RBFOX1: variants seen among roughly 807,000 people sequenced by gnomAD.
The protein encoded by RBFOX1 is RNA binding protein fox-1 homolog 1.
RBFOX1 carries 8 observed loss-of-function variants against 57.7 expected under a neutral mutation model. The observed-to-expected ratio is 0.14, with a 90% CI of 0.08 to 0.25. The LOEUF is 0.25. RBFOX1 is among the 10% of genes least tolerant of loss of function. The probability of loss-of-function intolerance (pLI) is 1.00; values close to 1 mark genes in which losing one functional copy is unlikely to be tolerated. For missense variants in RBFOX1, 611 were observed against 548.5 expected (o/e 1.11, Z -1.14); for synonymous variants, 326 against 222.4 (o/e 1.47, Z -4.15).
chr16:5,986,021 C>G (rs2152314938), intron 4 of RBFOX1, among the ~76,000 whole-genome samples: 1 of 151,728 alleles, frequency 6.6e-6, no homozygotes, highest in South Asian at 2.1e-4. Flanking sequence ...TTTGGGTACC[C>G]AAAATTCCTC....
At chr16:6,227,515 C>A (rs1048733395) in intron 1 of RBFOX1, among the ~76,000 whole-genome samples, 4 of 152,040 alleles carry the variant, frequency 2.6e-5, no homozygotes, top group African/African-American at 9.7e-5. Context: ...GCCAGTGATA[C>A]AGAAGTGGAA....
At chr16:5,978,907 G>A (rs1392133812) in intron 4 of RBFOX1, among the ~76,000 whole-genome samples, 2 of 152,106 alleles carry the variant, frequency 1.3e-5, no homozygotes, top group African/African-American at 2.4e-5. Context: ...GGGCTGAGGG[G>A]GTGGCTGCCA....
chr16:7,551,905 T>C (rs368463334), intron 5 of RBFOX1, among the ~76,000 whole-genome samples: 52 of 152,298 alleles, frequency 3.4e-4, no homozygotes, highest in African/African-American at 1.1e-3. Flanking sequence ...GACATTAGGA[T>C]AAAGAACAGC....
chr16:6,476,011 C>G (rs1409292780), intron 2 of RBFOX1, among the ~76,000 whole-genome samples: 3 of 152,154 alleles, frequency 2.0e-5, no homozygotes, highest in Admixed American at 1.3e-4. Flanking sequence ...TAAACCAAAC[C>G]TTGATGCTTT....
At chr16:7,228,025 C>A (rs1295248400) in intron 4 of RBFOX1, among the ~76,000 whole-genome samples, 1 of 152,146 alleles carries the variant, frequency 6.6e-6, no homozygotes, top group Non-Finnish European at 1.5e-5. Flanking sequence ...GTAGCACCCA[C>A]CCACCAGGTT....
At chr16:6,580,852 T>C (rs1191041841) in intron 2 of RBFOX1, among the ~76,000 whole-genome samples, 1 of 151,438 alleles carries the variant, frequency 6.6e-6, no homozygotes, top group East Asian at 1.9e-4. Flanking sequence ...TGTTAACCGA[T>C]GCCTAAATGG....
At chr16:7,686,812 T>G (rs528587505) in intron 14 of RBFOX1, among the ~76,000 whole-genome samples, 3 of 152,026 alleles carry the variant, frequency 2.0e-5, no homozygotes, top group Non-Finnish European at 4.4e-5. Context: ...AGACAAGAAG[T>G]GCAGTGGGAA....
intron 10 of RBFOX1, among the ~76,000 whole-genome samples, chr16:7,621,412 C>T (rs1330163423): frequency 2.0e-5 from 3 of 152,128 alleles, no homozygotes; most frequent in Middle Eastern, 3.4e-3. Context: ...AGGCATATGC[C>T]ACCACGCCTG....
chr16:6,957,739 A>T (rs975009965), intron 3 of RBFOX1, among the ~76,000 whole-genome samples: 1 of 152,108 alleles, frequency 6.6e-6, no homozygotes, highest in African/African-American at 2.4e-5. Context: ...CCCCTATTGA[A>T]GATGGAGTTG....
chr16:5,984,967 TATA>T (rs1567221663), intron 4 of RBFOX1, among the ~76,000 whole-genome samples: 53 of 55,374 alleles, frequency 9.6e-4, no homozygotes, highest in Non-Finnish European at 1.2e-3. Flanking sequence ...TATATATATA[TATA>T]TATATATTTT....
chr16:7,277,427 CTG>C (rs1280275733), intron 4 of RBFOX1, among the ~76,000 whole-genome samples: 7 of 152,178 alleles, frequency 4.6e-5, no homozygotes, highest in African/African-American at 1.7e-4. Context: ...TGTACATTCT[CTG>C]TGCCACCAGA....
chr16:7,505,285 A>G (rs2072897518), intron 4 of RBFOX1, among the ~76,000 whole-genome samples: 2 of 151,716 alleles, frequency 1.3e-5, no homozygotes, highest in South Asian at 2.1e-4. Flanking sequence ...TCCTATACTC[A>G]TAGAGTTCAC....
chr16:6,039,434 T>A lies in RBFOX1; in HGVS notation c.-127+19442T>A, dbSNP rs78999784. 4.9e-4 allele frequency among the ~76,000 whole-genome samples: 74 copies of A among 152,006 alleles called. No homozygotes were observed. The East Asian group carries it at 0.014, about 28-fold the overall frequency. On this transcript the variant is annotated intron_variant, in intron 1 of 15. Transcript: ENST00000550418. ...TGCTGATGAACAGGAAAGAACCATA[T>A]TTCCCTGCGTTAGCACCAGCTTGGA...
chr16:7,475,011 C>T (rs2062351699), intron 4 of RBFOX1, among the ~76,000 whole-genome samples: 2 of 152,126 alleles, frequency 1.3e-5, no homozygotes, highest in South Asian at 4.1e-4. Context: ...CTAGATGGTT[C>T]CACACAATCC....
chr16:5,500,714 C>T (rs537486537), intron 2 of RBFOX1, among the ~76,000 whole-genome samples: 1 of 152,320 alleles, frequency 6.6e-6, no homozygotes, highest in East Asian at 1.9e-4. Context: ...GTCCCGTTGG[C>T]AAAGTGTCTT....
At chr16:5,725,890 C>G (rs968301388) in intron 3 of RBFOX1, among the ~76,000 whole-genome samples, 2 of 151,914 alleles carry the variant, frequency 1.3e-5, no homozygotes, top group African/African-American at 4.8e-5. Context: ...AGGTTTGCTG[C>G]AGGTTGGGGT....
intron 1 of RBFOX1, among the ~76,000 whole-genome samples, chr16:5,300,521 G>A (rs2063778057): frequency 6.6e-6 from 1 of 151,696 alleles, no homozygotes; most frequent in East Asian, 1.9e-4. Context: ...TAATAATAAT[G>A]ATAAAAAGAA....
At chr16:5,396,345 A>G (rs1041703808) in intron 1 of RBFOX1, among the ~76,000 whole-genome samples, 1 of 152,136 alleles carries the variant, frequency 6.6e-6, no homozygotes, top group Non-Finnish European at 1.5e-5. Flanking sequence ...GGCTGAATAG[A>G]TGAAAGAAGG....
In RBFOX1 at chr16:6,558,597, C is replaced by G. The variant is rs113185658; in HGVS notation, c.-63-96006C>G. ...GACACATGGGGCTTTTGGCTTTTGT[C>G]CTGGGGATATGGCAGTTGTCATGTC... On this transcript the variant is annotated intron_variant, in intron 2 of 15. Coordinates refer to ENST00000550418, the MANE Select transcript of RBFOX1 (RefSeq NM_018723.4). Among the ~76,000 whole-genome samples, 967 of 152,134 alleles carry G rather than the reference C, an allele frequency of 6.4e-3. 13 individuals are homozygous for G. The highest frequency in any genetic ancestry group is 9.2e-3 in the Non-Finnish European group (627 of 67,998).
Sources: allele counts gnomAD v4.1 joint callset (sites outside exome capture counted in the v4.1 genomes callset), GRCh38; gene constraint gnomAD v4.1.1; transcripts MANE v1.5; gene names NCBI Gene and HGNC (gene_info 2026-07-23, HGNC 2026-07-21).